RET: variants seen among roughly 807,000 people sequenced by gnomAD.
RET encodes proto-oncogene tyrosine-protein kinase receptor Ret.
RET carries 19 observed loss-of-function variants against 118.3 expected under a neutral mutation model. The observed-to-expected ratio is 0.16, with a 90% CI of 0.11 to 0.24. The LOEUF (loss-of-function observed/expected upper bound fraction) is 0.24, where lower values mean the gene tolerates loss of function less well. RET is among the 10% of genes least tolerant of loss of function. RET has a pLI of 1.00. For missense variants in RET, 1,219 were observed against 1,502.1 expected (o/e 0.81, Z 3.12); for synonymous variants, 597 against 644.1 (o/e 0.93, Z 1.11).
intron 1 of RET, among the ~76,000 whole-genome samples, chr10:43,098,231 C>CT (rs1318552879): frequency 2.6e-5 from 4 of 152,200 alleles, no homozygotes; most frequent in Non-Finnish European, 5.9e-5. Context: ...CTATCAAACA[C>CT]TAACTCCCCA....
rs1482522995 is a variant in RET at position 43,114,603 on chromosome 10, C to T, written c.2003C>T (p.Pro668Leu). Residue 668 changes from proline (P) to leucine (L), a missense_variant, in exon 11 of 20, where the codon CCC becomes CTC. Around this residue, in one of 5 missense-constraint regions of RET, gnomAD observed 850 missense variants for 969.6 expected, o/e 0.88. Transcript: ENST00000355710. The surrounding 1 kb of genome is among the most constrained non-coding windows in gnomAD (Gnocchi z 4.6). ...HCYHKFAHKP[P>L]ISSAEMTFRR... The stretch of plus-strand genomic sequence containing the variant: ...TACCACAAGTTTGCCCACAAGCCAC[C>T]CATCTCCTCAGCTGAGATGACCTTC... The T allele has an allele frequency of 3.7e-6, 6 of 1,613,180 alleles. No individual in the cohort carries two copies. Among genetic ancestry groups the T allele is most frequent in the Admixed American group, 1.7e-5 (1 of 60,030 alleles).
In RET at chr10:43,114,721, T is replaced by A. The variant is rs1554818959; in HGVS notation, c.2121T>A (p.Asp707Glu). The A allele has an allele frequency of 6.2e-7, 1 of 1,610,718 alleles. No homozygotes were observed. The change falls in exon 11 of 20, where the codon GAT becomes GAA. Residue 707 changes from aspartate (D) to glutamate (E), a missense_variant. Asp to Glu is a conservative substitution (Grantham distance 45). Transcript: ENST00000355710. This position sits in a 1 kb window ranked among gnomAD's most constrained non-coding sequence, Gnocchi z 4.6. ...CCATGGAGAACCAGGTCTCCGTGGA[T>A]GCCTTCAAGATCCTGGTGAGGGTCC... ...LDSMENQVSV[D>E]AFKILEDPKW...
At chr10:43,090,348 C>T (rs548809628) in intron 1 of RET, among the ~76,000 whole-genome samples, 12 of 152,164 alleles carry the variant, frequency 7.9e-5, no homozygotes, top group Admixed American at 2.6e-4. Flanking sequence ...AGTGGCTGCC[C>T]GGGAGCCTCT....
At chr10:43,100,819 TC>T (rs954388385) in intron 2 of RET, 97 bp downstream of exon 2, 21 of 1,335,726 alleles carry the variant, frequency 1.6e-5, no homozygotes, top group East Asian at 2.5e-5. Flanking sequence ...TGGCATGGCT[TC>T]CCCCCCACCG....
At chr10:43,122,085 G>T in intron 16 of RET, 69 bp downstream of exon 16, 1 of 1,240,236 alleles carries the variant, frequency 8.1e-7, no homozygotes, top group Non-Finnish European at 1.2e-6. Flanking sequence ...GTGGGGCCAC[G>T]ACGCCCGTCT....
Position 43,106,996 on chromosome 10 carries a change from G to GGTC in RET, c.1063+425_1063+426insGTC, listed in dbSNP as rs1837796577. On this transcript the variant is annotated intron_variant, in intron 5 of 19. Transcript: ENST00000355710. The surrounding 1 kb of genome is among the most constrained non-coding windows in gnomAD (Gnocchi z 5.1). ...CTAAACAGGCTGGTGTACAGAAGCA[G>GGTC]CCCCGAGCCAGGTCAGGGCTTCTGA... Among the ~76,000 whole-genome samples the GGTC allele has an allele frequency of 6.6e-6, 1 of 152,226 alleles. No homozygotes were observed. The highest frequency in any genetic ancestry group is 2.4e-5 in the African/African-American group (1 of 41,458).
intron 1 of RET, among the ~76,000 whole-genome samples, chr10:43,097,719 C>T (rs1164238314): frequency 6.6e-6 from 1 of 152,230 alleles, no homozygotes; most frequent in Admixed American, 6.5e-5. Flanking sequence ...TTCTCCTGTT[C>T]TATTTTCCCA....
In RET at chr10:43,126,575, G is replaced by A. The variant is rs1371047639; in HGVS notation, c.3040G>A (p.Asp1014Asn). ...GTGACCGGCCATCTCTGTCTTCCAG[G>A]ACTACTTGGACCTTGCGGCGTCCAC... ...DLEKMMVKRR[D>N]YLDLAASTPS... Residue 1014 changes from aspartate to asparagine, a missense_variant and splice_region_variant, in exon 19 of 20, where the codon GAC becomes AAC. Around this residue, in one of 5 missense-constraint regions of RET, gnomAD observed 174 missense variants for 179.3 expected, o/e 0.97. Coordinates refer to ENST00000355710, the MANE Select transcript of RET (RefSeq NM_020975.6). 2 of 1,613,678 alleles carry A rather than the reference G, an allele frequency of 1.2e-6. No individual in the cohort carries two copies. The highest frequency in any genetic ancestry group is 1.7e-6 in the Non-Finnish European group (2 of 1,179,966).
At chr10:43,113,090 A>G in intron 9 of RET, 127 bp downstream of exon 9, 2 of 790,984 alleles carry the variant, frequency 2.5e-6, no homozygotes, top group Non-Finnish European at 4.4e-6. Flanking sequence ...CCTCCTGTGC[A>G]TTTCAGCATC....
Position 43,112,894 on chromosome 10 carries a change from A to T in RET, c.1690A>T (p.Thr564Ser), listed in dbSNP as rs1588872756. The T allele has an allele frequency of 3.1e-6, 5 of 1,614,012 alleles. No homozygotes were observed. Among genetic ancestry groups the T allele is most frequent in the Non-Finnish European group, 4.2e-6 (5 of 1,179,982 alleles). Residue 564 changes from threonine to serine, a missense_variant, in exon 9 of 20, where the codon ACC becomes TCC. Thr to Ser is a moderately conservative substitution (Grantham distance 58, BLOSUM62 1). Transcript: ENST00000355710. The stretch of plus-strand genomic sequence containing the variant: ...CTCCACCTGCTCTCCCAGCACCAAG[A>T]CCTGCCCCGACGGCCACTGCGATGT... ...NFSTCSPSTK[T>S]CPDGHCDVVE...
At position 43,108,060 on chromosome 10, in the gene RET, A is replaced by G. The variant is rs148688625; in HGVS notation, c.1064-971A>G. ...AAAAAAAGGTTTTTAACAAGATTTT[A>G]TGGACCAGGCATAGTGGCTCACGCC... is the stretch of plus-strand genomic sequence containing the variant. On this transcript the variant is annotated intron_variant, in intron 5 of 19. Transcript: ENST00000355710. Among the ~76,000 whole-genome samples the G allele has an allele frequency of 5.3e-3, 808 of 152,164 alleles. 11 individuals are homozygous for G. The highest frequency in any genetic ancestry group is 0.019 in the African/African-American group (784 of 41,512).
chr10:43,104,872 C>G, intron 3 of RET, 80 bp from the exon 4 acceptor site: 4 of 1,509,100 alleles, frequency 2.7e-6, no homozygotes, highest in Non-Finnish European at 3.5e-6. Context: ...GCTCTGACCG[C>G]AGAGCCCCCT....
intron 1 of RET, among the ~76,000 whole-genome samples, chr10:43,081,672 G>A (rs1329160787): frequency 1.3e-5 from 2 of 152,176 alleles, no homozygotes; most frequent in African/African-American, 4.8e-5. Flanking sequence ...CAGTCAGTGG[G>A]ACTATGAGGT....
intron 1 of RET, among the ~76,000 whole-genome samples, chr10:43,090,533 C>T (rs1837389128): frequency 6.6e-6 from 1 of 152,084 alleles, no homozygotes; most frequent in Non-Finnish European, 1.5e-5. Flanking sequence ...CTCCTGGGGG[C>T]TCAGGCACAA....
chr10:43,123,078 G>A (rs1337233311), intron 16 of RET, among the ~76,000 whole-genome samples: 1 of 152,174 alleles, frequency 6.6e-6, no homozygotes, highest in African/African-American at 2.4e-5. Flanking sequence ...CCTCTGGTGT[G>A]CTCCGTGGTG....
chr10:43,122,020 AGT>A lies in RET; in HGVS notation c.2801+8_2801+9del, dbSNP rs1445588303. On this transcript the variant is annotated splice_donor_5th_base_variant and intron_variant, in intron 16 of 19. Transcript: ENST00000355710. ...TCTACACCACGCAAAGTGATGTGTA[AGT>A]GTGGGTGTTGCTCTCTTGGGGTGGA... 1.9e-6 allele frequency: 3 copies of A among 1,611,764 alleles called. No individual in the cohort carries two copies. In the Admixed American group the frequency reaches 5.0e-5, roughly 27 times the overall value.
intron 17 of RET, 109 bp from the exon 18 acceptor site, chr10:43,124,774 G>A: frequency 3.8e-6 from 4 of 1,057,810 alleles, no homozygotes; most frequent in Non-Finnish European, 5.9e-6. Context: ...GTTGGAGACA[G>A]AGCACACTGG....
At chr10:43,077,715 A>G (rs1588848909) in intron 1 of RET, among the ~76,000 whole-genome samples, 1 of 152,200 alleles carries the variant, frequency 6.6e-6, no homozygotes, top group East Asian at 1.9e-4. Flanking sequence ...GGGAGCCCCG[A>G]AAGCCCGCGA....
rs1489603029 is a variant in RET, at chr10:43,129,675, T to A, written c.*1406T>A. ...AAAGCACTGATAGGACTTAAAATAG[T>A]CTCATTCAAATACTGTATTTTATAT... On this transcript the variant is annotated 3_prime_UTR_variant, in exon 20 of 20. Transcript: ENST00000355710. The A allele has an allele frequency of 6.4e-6, 2 of 310,124 alleles. No individual in the cohort carries two copies. Among genetic ancestry groups the A allele is most frequent in the Non-Finnish European group, 1.2e-5 (2 of 170,718 alleles). The allele number at this position is 310,124 out of a possible 1,614,324, so 19.2% of individuals were successfully genotyped here.
Sources: allele counts gnomAD v4.1 joint callset (sites outside exome capture counted in the v4.1 genomes callset), GRCh38; gene constraint gnomAD v4.1.1; regional missense constraint gnomAD v4.1.1; non-coding constraint Gnocchi (gnomAD v3.1); transcripts MANE v1.5; gene names NCBI Gene and HGNC (gene_info 2026-07-23, HGNC 2026-07-21).